UBE4B: variants seen among roughly 807,000 people sequenced by gnomAD.
UBE4B encodes ubiquitination factor E4B.
Under a neutral mutation model 148.1 loss-of-function variants are expected in UBE4B, and 27 were observed. The ratio of observed to expected loss-of-function variants is 0.18; its 90% confidence interval spans 0.13 to 0.25. The LOEUF (loss-of-function observed/expected upper bound fraction) is 0.25. Among genes scored for constraint, UBE4B ranks in the 10% least tolerant of loss-of-function variants. The pLI is 1.00. For missense variants in UBE4B, 1,170 were observed against 1,662.4 expected, an observed-to-expected ratio of 0.70 and a Z score of 5.15; for synonymous variants, 596 against 619.3, an observed-to-expected ratio of 0.96 and a Z score of 0.56.
intron 1 of UBE4B, among the ~76,000 whole-genome samples, chr1:10,068,195 A>C (rs1010310903): frequency 9.3e-5 from 14 of 151,178 alleles, no homozygotes; most frequent in African/African-American, 3.4e-4. Context: ...CACCTGGCTA[A>C]TTTTTGTATT....
At position 10,117,662 on chromosome 1, in the gene UBE4B, C is replaced by A. The variant is rs80192267; in HGVS notation, c.1338+62C>A. ...CTAGTTATTTGTTTGATTATCCCCA[C>A]CCCTGGAGCATTCATTGATTTATTC... is the stretch of plus-strand genomic sequence containing the variant. On this transcript the variant is annotated intron_variant, in intron 8 of 27. Transcript: ENST00000343090. 5,169 of 1,488,962 alleles carry A rather than the reference C, an allele frequency of 3.5e-3. 110 individuals are homozygous for A. The African/African-American group carries it at 0.056, about 16-fold the overall frequency. 92.2% of individuals were successfully genotyped at this position (1,488,962 alleles called of 1,614,324 possible). A position where few individuals can be genotyped will look rare whatever the true frequency, so the allele number is the denominator to read the frequency against.
intron 3 of UBE4B, among the ~76,000 whole-genome samples, chr1:10,096,857 C>T (rs898241806): frequency 2.0e-5 from 3 of 151,860 alleles, no homozygotes; most frequent in Non-Finnish European, 4.4e-5. Context: ...TGTCCAACAT[C>T]GTGAAACTCC....
chr1:10,035,080 G>C (rs956542681), intron 1 of UBE4B, among the ~76,000 whole-genome samples: 6 of 151,794 alleles, frequency 4.0e-5, no homozygotes, highest in African/African-American at 7.3e-5. Context: ...CTCACTGCAA[G>C]CTCCGCCTCC....
At chr1:10,097,038 C>CAAAAAAAAA (rs1175237804) in intron 3 of UBE4B, among the ~76,000 whole-genome samples, 4 of 141,070 alleles carry the variant, frequency 2.8e-5, no homozygotes, top group African/African-American at 1.1e-4. Flanking sequence ...GACTCTGCAT[C>CAAAAAAAAA]AAAAAAAAAA....
At chr1:10,109,212 G>A (rs77898517) in intron 7 of UBE4B, among the ~76,000 whole-genome samples, 4 of 152,094 alleles carry the variant, frequency 2.6e-5, no homozygotes, top group African/African-American at 9.6e-5. Context: ...GAACGGGGGG[G>A]CCGGGGGGAC....
chr1:10,139,747 C>T (rs569389924), intron 17 of UBE4B, among the ~76,000 whole-genome samples: 4 of 152,206 alleles, frequency 2.6e-5, no homozygotes, highest in African/African-American at 9.6e-5. Context: ...AGGAGGTTCA[C>T]TCTTGTTGCC....
intron 12 of UBE4B, 51 bp downstream of exon 12, chr1:10,129,499 C>A: frequency 6.4e-7 from 1 of 1,560,554 alleles, no homozygotes; most frequent in Non-Finnish European, 8.8e-7. Flanking sequence ...ATATCATAAC[C>A]CAGAAGGCAT....
rs1478090536 is a variant in UBE4B at position 10,103,234 on chromosome 1, C to T, written c.580+142C>T. ...TGACAGGGATACTTCTTGATGAGGA[C>T]ACAATTGTTTAGCCACTTTCTTCCC... On this transcript the variant is annotated intron_variant, in intron 5 of 27. Transcript: ENST00000343090. 6.4e-6 allele frequency: 5 copies of T among 783,214 alleles called. No homozygotes were observed. The East Asian group carries it at 1.3e-4, about 21-fold the overall frequency. 48.5% of individuals were successfully genotyped at this position (783,214 alleles called of 1,614,324 possible).
rs577350263 is a variant in UBE4B, at chr1:10,154,249, AAAC to A, written c.2926+2691_2926+2693del. 2.5e-3 allele frequency among the ~76,000 whole-genome samples: 376 copies of A among 151,970 alleles called. 3 individuals are homozygous for A. The highest frequency in any genetic ancestry group is 8.6e-3 in the African/African-American group (356 of 41,432). On this transcript the variant is annotated intron_variant, in intron 21 of 27. Coordinates refer to ENST00000343090, the MANE Select transcript of UBE4B (RefSeq NM_001105562.3). Reference sequence around the variant, plus strand: ...AGAGCAAGACTTCATCTCAAAAACAAAACAAAAAACAAAACAAAACAAAATTAG... The same window carrying A: ...AGAGCAAGACTTCATCTCAAAAACAAAAAAAACAAAACAAAACAAAATTAG...
At chr1:10,131,687 C>A (rs1338928568) in intron 14 of UBE4B, among the ~76,000 whole-genome samples, 2 of 151,990 alleles carry the variant, frequency 1.3e-5, no homozygotes, top group Admixed American at 1.3e-4. Flanking sequence ...CATGGTGAAA[C>A]CTCGTCACTG....
intron 1 of UBE4B, among the ~76,000 whole-genome samples, chr1:10,044,200 C>T (rs1012864346): frequency 1.3e-5 from 2 of 152,084 alleles, no homozygotes; most frequent in Non-Finnish European, 2.9e-5. Context: ...TGTATAGGTG[C>T]GTGCCACCAT....
intron 25 of UBE4B, 56 bp downstream of exon 25, chr1:10,171,385 A>G: frequency 6.3e-7 from 1 of 1,576,036 alleles, no homozygotes; most frequent in Non-Finnish European, 8.7e-7. Context: ...GGAGATAATA[A>G]CCACAGTGGC....
chr1:10,090,586 G>A (rs926502625), intron 2 of UBE4B, among the ~76,000 whole-genome samples: 9 of 152,108 alleles, frequency 5.9e-5, no homozygotes, highest in African/African-American at 1.2e-4. Flanking sequence ...TTATTGAGGC[G>A]TTTTGGTTTT....
At chr1:10,070,442 T>TAAA (rs70998345) in intron 1 of UBE4B, among the ~76,000 whole-genome samples, 1 of 131,654 alleles carries the variant, frequency 7.6e-6, no homozygotes, top group Admixed American at 7.7e-5. Flanking sequence ...CAGTTAAAAT[T>TAAA]AAAAAAAAAA....
chr1:10,178,371 A>T (rs1273594661), intron 25 of UBE4B, among the ~76,000 whole-genome samples: 4 of 152,176 alleles, frequency 2.6e-5, no homozygotes, highest in Admixed American at 6.5e-5. Context: ...CGTCTGCCTC[A>T]GTCCTGCAGC....
intron 14 of UBE4B, among the ~76,000 whole-genome samples, chr1:10,131,948 G>A (rs974387797): frequency 2.0e-5 from 3 of 149,182 alleles, no homozygotes; most frequent in South Asian, 2.1e-4. Context: ...GCAAAACTCC[G>A]TCTCAAAAAA....
intron 25 of UBE4B, among the ~76,000 whole-genome samples, chr1:10,174,749 G>A (rs1646392232): frequency 6.6e-6 from 1 of 151,786 alleles, no homozygotes; most frequent in African/African-American, 2.4e-5. Context: ...TCACAGTGTG[G>A]TGTGTGTGCT....
chr1:10,149,210 T>G lies in UBE4B; in HGVS notation c.2618T>G (p.Val873Gly). 2.5e-6 allele frequency: 4 copies of G among 1,606,572 alleles called. No homozygotes were observed. Among genetic ancestry groups the G allele is most frequent in the Non-Finnish European group, 3.4e-6 (4 of 1,178,070 alleles). ...PDITLPLNSD[V>G]PKVFAALPEF... ...ATAACACTGCCTTTAAATTCAGATG[T>G]CCCCAAGGTATTTGCAGCGTTGCCT... Residue 873 changes from valine to glycine, a missense_variant, in exon 20 of 28, where the codon GTC becomes GGC. Physicochemically the swap from Val to Gly is moderately radical, Grantham distance 109 (BLOSUM62 -3). Transcript: ENST00000343090.
At chr1:10,040,578 C>CTGGCCT (rs1643718489) in intron 1 of UBE4B, among the ~76,000 whole-genome samples, 1 of 151,818 alleles carries the variant, frequency 6.6e-6, no homozygotes, top group Non-Finnish European at 1.5e-5. Context: ...GACCCCCACT[C>CTGGCCT]TGGCCTTGGT....
Sources: gnomAD v4.1 joint callset for allele counts (sites outside exome capture counted in the v4.1 genomes callset) on GRCh38, gnomAD v4.1.1 for gene constraint, MANE v1.5 for transcripts, NCBI Gene and HGNC (gene_info 2026-07-23, HGNC 2026-07-21) for gene names.